Variants in LGI4 observed in about 807,000 individuals in gnomAD.
LGI4 encodes leucine-rich repeat LGI family member 4.
Under a neutral mutation model 48.3 loss-of-function variants are expected in LGI4, and 36 were observed. The ratio of observed to expected loss-of-function variants is 0.75; its 90% CI spans 0.57 to 0.98. The LOEUF is 0.98. Among genes scored for constraint, LGI4 ranks in the 50% least tolerant of loss-of-function variants. LGI4 has a pLI of 0.00. For missense variants in LGI4, 701 were observed against 732.1 expected (o/e 0.96, Z 0.49); for synonymous variants, 355 against 331.6 (o/e 1.07, Z -0.77).
At chr19:35,128,576 G>T (rs2065155311) in intron 6 of LGI4, among the ~76,000 whole-genome samples, 1 of 152,134 alleles carries the variant, frequency 6.6e-6, no homozygotes, top group Non-Finnish European at 1.5e-5. Flanking sequence ...CAGGCATGGT[G>T]GTGGTGCACC....
In LGI4 at chr19:35,133,040, C is replaced by T. The variant is rs75599897; in HGVS notation, c.314+653G>A. Among the ~76,000 whole-genome samples, 974 of 152,246 alleles carry T rather than the reference C, an allele frequency of 6.4e-3. 18 individuals carry two copies. The highest frequency in any genetic ancestry group is 0.046 in the East Asian group (239 of 5,190). Reference sequence around the variant, plus strand: ...ACAACATTGATAATTATCACAGACACGAGCCCCAAGAACTTCATCAGTGAT... The same window carrying T: ...ACAACATTGATAATTATCACAGACATGAGCCCCAAGAACTTCATCAGTGAT... On this transcript the variant is annotated intron_variant, in intron 3 of 8. Coordinates refer to ENST00000310123, the MANE Select transcript of LGI4 (RefSeq NM_139284.3).
chr19:35,133,969 C>A, intron 2 of LGI4, 64 bp downstream of exon 2: 1 of 1,462,466 alleles, frequency 6.8e-7, no homozygotes, highest in Admixed American at 2.0e-5. Context: ...GCATACACTC[C>A]CACACATGTG....
At position 35,133,439 on chromosome 19, in the gene LGI4, G is replaced by T. The variant is rs1318902690; in HGVS notation, c.314+254C>A. 4 of 1,329,224 alleles carry T rather than the reference G, an allele frequency of 3.0e-6. No individual in the cohort carries two copies. The East Asian group carries it at 1.3e-4, about 43-fold the overall frequency. 82.3% of individuals were successfully genotyped at this position (1,329,224 alleles called of 1,614,324 possible). On this transcript the variant is annotated intron_variant, in intron 3 of 8. Transcript: ENST00000310123. ...CAGGCTCTGGTTATCCGGGCCCTTT[G>T]TAGATCTTGAAGCAGAGAAGTGAGG...
At position 35,126,283 on chromosome 19, in the gene LGI4, A is replaced by G. The variant is rs148987769; in HGVS notation, c.1286T>C (p.Ile429Thr). 1.7e-3 allele frequency: 2,760 copies of G among 1,611,964 alleles called. 1 individual carries two copies. The highest frequency in any genetic ancestry group is 2.1e-3 in the Non-Finnish European group (2,472 of 1,179,562). Residue 429 changes from isoleucine (I) to threonine (T), a missense_variant, in exon 8 of 9, where the codon ATT (isoleucine) becomes ACT (threonine). By Grantham distance (89) the Ile-to-Thr change is moderately conservative. Transcript: ENST00000310123. The part of the protein sequence containing the change: ...GDVFLCLTRY[I>T]GDSMVMRWDG... Reference sequence around the variant, plus strand: ...GCCCAGCCTCACCATGGAGTCCCCAATGTAGCGTGTGAGGCACAGGAACAC... The same window carrying G: ...GCCCAGCCTCACCATGGAGTCCCCAGTGTAGCGTGTGAGGCACAGGAACAC...
intron 2 of LGI4, 122 bp downstream of exon 2, chr19:35,133,911 C>T: frequency 7.9e-7 from 1 of 1,271,874 alleles, no homozygotes; most frequent in Admixed American, 2.0e-5. Context: ...CAGACGTGTG[C>T]ATACACCCCC....
At chr19:35,126,211 G>C (rs1234530787) in intron 8 of LGI4, 59 bp downstream of exon 8, 19 of 1,558,546 alleles carry the variant, frequency 1.2e-5, no homozygotes, top group East Asian at 4.6e-5. Flanking sequence ...TAGAGGCTTA[G>C]TGTGCAAGAT....
In LGI4 at chr19:35,126,375, C is replaced by T; in HGVS notation, c.1194G>A (p.Glu398=). ...CGGCCTCGGGGATGTCTGTGCGTCT[C>T]TCGAAGCGGCCACCGGTCCAGTGGA... is the stretch of plus-strand genomic sequence containing the variant. ...VLFHWTGGRF[E]RRTDIPEAED... Residue 398 remains glutamate (E), a synonymous_variant, in exon 8 of 9, where the codon GAG becomes GAA. Coordinates refer to ENST00000310123, the MANE Select transcript of LGI4 (RefSeq NM_139284.3). 1 of 1,611,248 alleles carries T rather than the reference C, an allele frequency of 6.2e-7. No individual in the cohort carries two copies. The highest frequency in any genetic ancestry group is 1.6e-4 in the Middle Eastern group (1 of 6,062).
At position 35,133,861 on chromosome 19, in the gene LGI4, C is replaced by T. The variant is rs558637297; in HGVS notation, c.243-97G>A. On this transcript the variant is annotated intron_variant, in intron 2 of 8. Coordinates refer to ENST00000310123, the MANE Select transcript of LGI4 (RefSeq NM_139284.3). Reference sequence around the variant, plus strand: ...CCCTCAGCCTAGGTGGGCATGGGCACGCAGGTGTGAGTATGTGCATGGACA... The same window carrying T: ...CCCTCAGCCTAGGTGGGCATGGGCATGCAGGTGTGAGTATGTGCATGGACA... The T allele has an allele frequency of 1.6e-4, 223 of 1,389,662 alleles. No individual in the cohort carries two copies. The African/African-American group carries it at 2.9e-3, about 18-fold the overall frequency. The allele number at this position is 1,389,662 out of a possible 1,614,324, so 86.1% of individuals were successfully genotyped here.
chr19:35,131,379 C>A lies in LGI4; in HGVS notation c.628+7G>T. 6.5e-7 allele frequency: 1 copy of A among 1,550,014 alleles called. No individual in the cohort carries two copies. On this transcript the variant is annotated splice_region_variant and intron_variant, in intron 6 of 8. Transcript: ENST00000310123. ...CCGCCTCCCACCCCATCGGGAAAGC[C>A]CCCCACCTATGGCTCTGCACTTGAA... is the stretch of plus-strand genomic sequence containing the variant.
intron 8 of LGI4, 197 bp from the exon 9 acceptor site, chr19:35,125,704 A>G (rs1397648794): frequency 2.9e-6 from 2 of 701,162 alleles, no homozygotes; most frequent in African/African-American, 3.5e-5. Flanking sequence ...ACACAGAAGC[A>G]CTCAGCCATG....
chr19:35,127,873 A>G (rs2065150802), intron 6 of LGI4, among the ~76,000 whole-genome samples: 2 of 152,136 alleles, frequency 1.3e-5, no homozygotes. Flanking sequence ...CATCCTTCCC[A>G]CCTTCCAGGA....
chr19:35,127,578 G>C (rs1208194724), intron 6 of LGI4, among the ~76,000 whole-genome samples: 4 of 152,042 alleles, frequency 2.6e-5, no homozygotes, highest in Non-Finnish European at 4.4e-5. Flanking sequence ...AGTAGAGATG[G>C]GGTTTCACCA....
rs572362650 is a variant in LGI4 at position 35,131,705 on chromosome 19, C to T, written c.458+84G>A. The T allele has an allele frequency of 1.7e-4, 241 of 1,400,014 alleles. No homozygotes were observed. The South Asian group carries it at 1.9e-3, about 11-fold the overall frequency. The allele number at this position is 1,400,014 out of a possible 1,614,324, so 86.7% of individuals were successfully genotyped here. On this transcript the variant is annotated intron_variant, in intron 5 of 8. Transcript: ENST00000310123. ...GAACCACTGCAGCCAAATGCATGCA[C>T]GCCAACCAGAAGTGGGCACGGATGC...
At chr19:35,126,176 C>T (rs1466429160) in intron 8 of LGI4, 94 bp downstream of exon 8, 5 of 1,382,698 alleles carry the variant, frequency 3.6e-6, no homozygotes, top group Middle Eastern at 1.8e-4. Context: ...GTTCAAAGGT[C>T]GGCATGTGAG....
At chr19:35,133,866 G>A (rs1393771461) in intron 2 of LGI4, 102 bp from the exon 3 acceptor site, 1 of 1,347,984 alleles carries the variant, frequency 7.4e-7, no homozygotes, top group Non-Finnish European at 1.0e-6. Flanking sequence ...GGGCACGCAG[G>A]TGTGAGTATG....
rs376749811 is a variant in LGI4 at position 35,126,835 on chromosome 19, G to A, written c.793+18C>T. ...AGGCAGGCTGCTGGACAGGCAGAAG[G>A]ACGGGGAGGGGGCTCACCGGGCAGC... On this transcript the variant is annotated intron_variant, in intron 7 of 8. Transcript: ENST00000310123. 14 of 1,605,188 alleles carry A rather than the reference G, an allele frequency of 8.7e-6. No individual in the cohort carries two copies. In the Admixed American group the frequency reaches 1.3e-4, roughly 15 times the overall value.
rs2065116916 is a variant in LGI4, at chr19:35,124,664, G to C, written c.*529C>G. The C allele has an allele frequency of 6.6e-6, 1 of 152,414 alleles. No homozygotes were observed. The highest frequency in any genetic ancestry group is 2.4e-5 in the African/African-American group (1 of 41,466). The allele number at this position is 152,414 out of a possible 1,614,324, so 9.4% of individuals were successfully genotyped here. A position where few individuals can be genotyped will look rare whatever the true frequency, so the allele number is the denominator to read the frequency against. ...AGAGGCGCAAAAGGCACAGCTTGCTGGGCGGCCGCACGCATGCGCACAAGC... is the reference window on the plus strand; with the variant it reads ...AGAGGCGCAAAAGGCACAGCTTGCTCGGCGGCCGCACGCATGCGCACAAGC... On this transcript the variant is annotated 3_prime_UTR_variant, in exon 9 of 9. Coordinates refer to ENST00000310123, the MANE Select transcript of LGI4 (RefSeq NM_139284.3).
chr19:35,132,030 G>GTCCTCGAT lies in LGI4; in HGVS notation c.319_326dup (p.Asp109GlufsTer24). 6.3e-7 allele frequency: 1 copy of GTCCTCGAT among 1,579,182 alleles called. No individual in the cohort carries two copies. Among genetic ancestry groups the GTCCTCGAT allele is most frequent in the Non-Finnish European group, 8.6e-7 (1 of 1,161,942 alleles). On this transcript the variant is annotated frameshift_variant, in exon 4 of 9. Transcript: ENST00000310123. LOFTEE classifies it high-confidence loss of function. ...TCTTAGAGATGGAGCCAATCTCATT[G>GTCCTCGAT]TCCTCGATGAAGCTGTGGAGGGAAG... is the stretch of plus-strand genomic sequence containing the variant.
rs2065120475 is a variant in LGI4, at chr19:35,124,992, GA to G, written c.*200del. Reference sequence around the variant, plus strand: ...GCTTTAGACCTGAAGGGCAGCTCGGGAGGTCCAGTAGGCTGGGACCCTCTAT... The same window carrying G: ...GCTTTAGACCTGAAGGGCAGCTCGGGGGTCCAGTAGGCTGGGACCCTCTAT... On this transcript the variant is annotated 3_prime_UTR_variant, in exon 9 of 9. Coordinates refer to ENST00000310123, the MANE Select transcript of LGI4 (RefSeq NM_139284.3). 1.2e-5 allele frequency: 5 copies of G among 433,908 alleles called. No individual in the cohort carries two copies. Among genetic ancestry groups the G allele is most frequent in the Non-Finnish European group, 2.0e-5 (5 of 248,626 alleles). 26.9% of individuals were successfully genotyped at this position (433,908 alleles called of 1,614,324 possible).
Sources: gnomAD v4.1 joint callset for allele counts (sites outside exome capture counted in the v4.1 genomes callset) on GRCh38, gnomAD v4.1.1 for gene constraint, MANE v1.5 for transcripts, NCBI Gene and HGNC (gene_info 2026-07-23, HGNC 2026-07-21) for gene names.